IGSF10: variants seen among roughly 807,000 people sequenced by gnomAD.
The protein encoded by IGSF10 is immunoglobulin superfamily member 10, also known as calvaria mechanical force protein 608.
Under a neutral mutation model 128.2 loss-of-function variants are expected in IGSF10, and 126 were observed. The observed-to-expected ratio is 0.98, with a 90% CI of 0.85 to 1.14. The LOEUF is 1.14. IGSF10 is among the 50% of genes most tolerant of loss of function. The probability of loss-of-function intolerance (pLI) is 0.00; values close to 1 mark genes in which losing one functional copy is unlikely to be tolerated. For synonymous variants in IGSF10, 1,185 were observed against 1,146.2 expected, an observed-to-expected ratio of 1.03 and a Z score of -0.68; for missense variants, 3,295 against 3,149.8, an observed-to-expected ratio of 1.05 and a Z score of -1.10.
chr3:151,511,226 T>A, the IGSF10 span, among the ~76,000 whole-genome samples: 1 of 152,152 alleles, frequency 6.6e-6, no homozygotes, highest in South Asian at 2.1e-4. Context: ...AAGGTCGGGT[T>A]ACCCACAAAG....
the IGSF10 span, among the ~76,000 whole-genome samples, chr3:151,522,621 C>A: frequency 6.6e-5 from 10 of 152,190 alleles, no homozygotes; most frequent in Middle Eastern, 3.4e-3. Flanking sequence ...ATGGAGAAGG[C>A]TTTTGATAAA....
intron 2 of IGSF10, 52 bp downstream of exon 2, chr3:151,460,209 C>T (rs918485559): frequency 5.0e-5 from 24 of 484,384 alleles, no homozygotes; most frequent in Non-Finnish European, 6.2e-5. Context: ...ATAAGGGATT[C>T]TCACAAACGT....
Position 151,447,197 on chromosome 3 carries a change from G to A in IGSF10, c.2784C>T (p.Ile928=), listed in dbSNP as rs904947489. The change falls in exon 6 of 8, where the codon ATC becomes ATT. Residue 928 remains isoleucine, a synonymous_variant. Coordinates refer to ENST00000282466, the MANE Select transcript of IGSF10 (RefSeq NM_178822.5). ...SRPPITVRTM[I]KDVNVKMLSS... is the part of the protein sequence containing the mutation. ...TAAGCATTTTGACATTGACATCTTT[G>A]ATCATAGTCCTTACTGTTATTGGGG... The A allele has an allele frequency of 1.2e-6, 2 of 1,614,066 alleles. No homozygotes were observed. Among genetic ancestry groups the A allele is most frequent in the Non-Finnish European group, 1.7e-6 (2 of 1,180,038 alleles).
At chr3:151,522,834 C>A in the IGSF10 span, among the ~76,000 whole-genome samples, 71 of 152,130 alleles carry the variant, frequency 4.7e-4, no homozygotes, top group Non-Finnish European at 7.9e-4. Context: ...AAGTTCTGGC[C>A]AGGACAATCA....
chr3:151,453,133 A>C lies in IGSF10; in HGVS notation c.715+251T>G, dbSNP rs77696271. ...AGATTTATTCTCTAAGCCAGAGATC[A>C]GCAACATTTTTATAAAGAGCCAGAT... On this transcript the variant is annotated intron_variant, in intron 5 of 7. Coordinates refer to ENST00000282466, the MANE Select transcript of IGSF10 (RefSeq NM_178822.5). 9.1e-3 allele frequency among the ~76,000 whole-genome samples: 1,391 copies of C among 152,292 alleles called. 14 individuals are homozygous for C. The highest frequency in any genetic ancestry group is 0.031 in the African/African-American group (1,294 of 41,546).
In IGSF10 at chr3:151,447,137, T is replaced by TACTG; in HGVS notation, c.2840_2843dup (p.Asn949SerfsTer6). 6.2e-7 allele frequency: 1 copy of TACTG among 1,614,228 alleles called. No homozygotes were observed. Among genetic ancestry groups the TACTG allele is most frequent in the East Asian group, 2.2e-5 (1 of 44,892 alleles). On this transcript the variant is annotated frameshift_variant, in exon 6 of 8. Transcript: ENST00000282466. LOFTEE classifies it high-confidence loss of function. The stretch of plus-strand genomic sequence containing the variant: ...ATGTCTGATGACTATTTGTGGTATT[T>TACTG]ACTGACTCTAATAATAGTTTGTTGG...
chr3:151,467,634 C>T, the IGSF10 span, among the ~76,000 whole-genome samples: 1 of 152,026 alleles, frequency 6.6e-6, no homozygotes, highest in South Asian at 2.1e-4. Context: ...CCTGTAATCC[C>T]AGCACTTTGG....
At chr3:151,587,810 T>C in the IGSF10 span, among the ~76,000 whole-genome samples, 1 of 152,154 alleles carries the variant, frequency 6.6e-6, no homozygotes, top group Non-Finnish European at 1.5e-5. Flanking sequence ...GATCTGATGG[T>C]TTTAAGAAAC....
Position 151,458,131 on chromosome 3 carries a change from A to ATG in IGSF10, c.194+383_194+384dup, listed in dbSNP as rs142272716. The stretch of plus-strand genomic sequence containing the variant: ...GATACATATATATATATATGTATGT[A>ATG]TGTGTGTGTGTGTGTGTATTATATA... On this transcript the variant is annotated intron_variant, in intron 3 of 7. Coordinates refer to ENST00000282466, the MANE Select transcript of IGSF10 (RefSeq NM_178822.5). 3.2e-3 allele frequency among the ~76,000 whole-genome samples: 482 copies of ATG among 150,650 alleles called. 2 individuals carry two copies. The highest frequency in any genetic ancestry group is 8.5e-3 in the African/African-American group (349 of 41,146).
chr3:151,521,891 A>G, the IGSF10 span, among the ~76,000 whole-genome samples: 7 of 152,088 alleles, frequency 4.6e-5, no homozygotes, highest in South Asian at 1.5e-3. Context: ...GATACAAAAA[A>G]CCATTCAAAT....
In IGSF10 at chr3:151,440,140, C is replaced by G. The variant is rs142416086; in HGVS notation, c.5964-1543G>C. ...CAACCTCCCAGGTTCAAGCAATCCACCAACCTCAACCTCTGAGTAGCTGGG... is the reference window on the plus strand; with the variant it reads ...CAACCTCCCAGGTTCAAGCAATCCAGCAACCTCAACCTCTGAGTAGCTGGG... On this transcript the variant is annotated intron_variant, in intron 7 of 7. Coordinates refer to ENST00000282466, the MANE Select transcript of IGSF10 (RefSeq NM_178822.5). 6.1e-3 allele frequency among the ~76,000 whole-genome samples: 922 copies of G among 152,238 alleles called. 10 individuals carry two copies. Among genetic ancestry groups the G allele is most frequent in the African/African-American group, 0.021 (870 of 41,542 alleles).
chr3:151,510,824 C>A, the IGSF10 span, among the ~76,000 whole-genome samples: 1 of 152,094 alleles, frequency 6.6e-6, no homozygotes, highest in East Asian at 1.9e-4. Flanking sequence ...AATGCACAAG[C>A]CTCAGTAACC....
At chr3:151,433,384 T>C (rs1719747514), downstream of IGSF10, 1 of 152,662 alleles carries the variant, frequency 6.6e-6, no homozygotes, top group African/African-American at 2.4e-5. Flanking sequence ...TGTAGGACTC[T>C]TCTTTGCTTT....
chr3:151,484,048 C>T, the IGSF10 span, among the ~76,000 whole-genome samples: 829 of 152,362 alleles, frequency 5.4e-3, 7 homozygotes, highest in African/African-American at 0.018. Context: ...CTAACATCCA[C>T]TGGCTTGAAA....
At chr3:151,589,766 G>A in the IGSF10 span, among the ~76,000 whole-genome samples, 1 of 152,134 alleles carries the variant, frequency 6.6e-6, no homozygotes, top group Non-Finnish European at 1.5e-5. Context: ...TGACTCTGCA[G>A]GGTGATTTAA....
At position 151,438,304 on chromosome 3, in the gene IGSF10, G is replaced by T; in HGVS notation, c.6257C>A (p.Ala2086Asp). 3.7e-6 allele frequency: 6 copies of T among 1,614,094 alleles called. No homozygotes were observed. The highest frequency in any genetic ancestry group is 3.4e-6 in the Non-Finnish European group (4 of 1,180,020). ...CCTAGTCCTGTGGCCACTGTCATCG[G>T]CTTGCATTGCATTGTTGATCATGGT... ...DGTMINNAMQ[A>D]DDSGHRTRRY... The change falls in exon 8 of 8, where the codon GCC becomes GAC. Residue 2086 changes from alanine to aspartate, a missense_variant. Transcript: ENST00000282466.
the IGSF10 span, among the ~76,000 whole-genome samples, chr3:151,579,313 T>C: frequency 2.0e-5 from 3 of 152,124 alleles, no homozygotes; most frequent in African/African-American, 7.2e-5. Context: ...CATACAAAAA[T>C]GCAAGACAAA....
chr3:151,618,004 A>G, the IGSF10 span, among the ~76,000 whole-genome samples: 2 of 152,216 alleles, frequency 1.3e-5, no homozygotes, highest in African/African-American at 4.8e-5. Context: ...CATGTCTGTT[A>G]TAGACTGAAT....
chr3:151,571,272 T>G, the IGSF10 span, among the ~76,000 whole-genome samples: 1 of 152,182 alleles, frequency 6.6e-6, no homozygotes, highest in East Asian at 1.9e-4. Flanking sequence ...GTGAAGAAAG[T>G]CATTGGTAGC....
Sources: allele counts gnomAD v4.1 joint callset (sites outside exome capture counted in the v4.1 genomes callset), GRCh38; gene constraint gnomAD v4.1.1; transcripts MANE v1.5; gene names NCBI Gene and HGNC (gene_info 2026-07-23, HGNC 2026-07-21).